KCNG2: variants seen among roughly 807,000 people sequenced by gnomAD.
KCNG2 encodes voltage-gated potassium channel regulatory subunit KCNG2.
KCNG2 carries 7 observed loss-of-function variants against 12.3 expected under a neutral mutation model. The observed-to-expected ratio is 0.57, with a 90% CI of 0.32 to 1.07. The LOEUF is 1.07. KCNG2 is among the 50% of genes least tolerant of loss of function. The pLI is 0.04. For synonymous variants in KCNG2, 414 were observed against 351.4 expected (o/e 1.18, Z -1.99); for missense variants, 703 against 726.0 (o/e 0.97, Z 0.36).
intron 3 of KCNG2, among the ~76,000 whole-genome samples, chr18:79,869,607 G>T (rs1458257482): frequency 6.6e-6 from 1 of 152,146 alleles, no homozygotes; most frequent in East Asian, 1.9e-4. Flanking sequence ...CTCCATTGCT[G>T]GGCCTTTCCC....
intron 1 of KCNG2, among the ~76,000 whole-genome samples, chr18:79,815,875 C>A (rs1193748528): frequency 6.6e-6 from 1 of 152,250 alleles, no homozygotes; most frequent in Non-Finnish European, 1.5e-5. Context: ...AGCTGCACTG[C>A]CACAGGGGGG....
chr18:79,896,273 G>T (rs915731451), intron 3 of KCNG2, among the ~76,000 whole-genome samples: 1 of 152,018 alleles, frequency 6.6e-6, no homozygotes, highest in Non-Finnish European at 1.5e-5. Flanking sequence ...GCCCACTAAT[G>T]ATATTTTAAA....
At chr18:79,887,794 C>G (rs577912220) in intron 3 of KCNG2, among the ~76,000 whole-genome samples, 2 of 152,318 alleles carry the variant, frequency 1.3e-5, no homozygotes, top group African/African-American at 2.4e-5. Context: ...GTGGCTCCCC[C>G]ACTTTTCCCA....
chr18:79,823,064 A>C (rs968949748), intron 1 of KCNG2, among the ~76,000 whole-genome samples: 1 of 152,198 alleles, frequency 6.6e-6, no homozygotes, highest in Non-Finnish European at 1.5e-5. Flanking sequence ...TTCCTCCTGC[A>C]CAGCCAGGCA....
intron 3 of KCNG2, among the ~76,000 whole-genome samples, chr18:79,895,486 G>T (rs1379187725): frequency 6.7e-6 from 1 of 149,932 alleles, no homozygotes; most frequent in Admixed American, 6.7e-5. Context: ...GGTTGTTCAT[G>T]CCATTAATAA....
chr18:79,891,901 A>T (rs1234043972), intron 3 of KCNG2, among the ~76,000 whole-genome samples: 1 of 152,068 alleles, frequency 6.6e-6, no homozygotes, highest in African/African-American at 2.4e-5. Context: ...GGTGGTGTTC[A>T]CACCTTCTGT....
At chr18:79,834,052 A>C (rs1264147560) in intron 1 of KCNG2, among the ~76,000 whole-genome samples, 1 of 152,248 alleles carries the variant, frequency 6.6e-6, no homozygotes, top group African/African-American at 2.4e-5. Flanking sequence ...CACCCAGTGC[A>C]GTGGCAGAGG....
intron 1 of KCNG2, among the ~76,000 whole-genome samples, 126 bp downstream of exon 1, chr18:79,798,140 G>C (rs1439176465): frequency 6.6e-6 from 1 of 151,542 alleles, no homozygotes; most frequent in South Asian, 2.1e-4. Flanking sequence ...CTTCTTCTCC[G>C]GGTGCGCGGT....
chr18:79,858,432 C>A (rs1165384348), intron 2 of KCNG2, among the ~76,000 whole-genome samples: 1 of 152,216 alleles, frequency 6.6e-6, no homozygotes, highest in Non-Finnish European at 1.5e-5. Context: ...CATAACATTC[C>A]TGTATGGAGG....
chr18:79,866,784 A>G (rs1979589955), intron 3 of KCNG2, among the ~76,000 whole-genome samples: 1 of 132,702 alleles, frequency 7.5e-6, no homozygotes, highest in Admixed American at 7.8e-5. Flanking sequence ...CTGTATGCTG[A>G]GAGGTCTAGG....
In KCNG2 at chr18:79,800,047, T is replaced by C. The variant is rs986162603; in HGVS notation, c.-115+2033T>C. On this transcript the variant is annotated intron_variant, in intron 1 of 3. Transcript: ENST00000316249. The surrounding 1 kb of genome is among the most constrained non-coding windows in gnomAD (Gnocchi z 4.0). ...TTTTGTCTGATGGTTGGGGGCTGCT[T>C]TTCTGGAAGAAGTGGGTCTCAGGCA... 1.3e-5 allele frequency among the ~76,000 whole-genome samples: 2 copies of C among 152,166 alleles called. No individual in the cohort carries two copies. Among genetic ancestry groups the C allele is most frequent in the Admixed American group, 1.3e-4 (2 of 15,274 alleles).
At chr18:79,817,575 C>G (rs914698010) in intron 1 of KCNG2, among the ~76,000 whole-genome samples, 2 of 152,264 alleles carry the variant, frequency 1.3e-5, no homozygotes, top group African/African-American at 4.8e-5. Context: ...TTTGCACACA[C>G]AGTTCTCACA....
intron 1 of KCNG2, among the ~76,000 whole-genome samples, chr18:79,828,543 G>A (rs1978287997): frequency 6.6e-6 from 1 of 152,006 alleles, no homozygotes; most frequent in Non-Finnish European, 1.5e-5. Context: ...GTCTGTGTGT[G>A]CATCTGTGTG....
In KCNG2 at chr18:79,899,458, G is replaced by C. The variant is rs755009780; in HGVS notation, c.1043G>C (p.Gly348Ala). 3.1e-6 allele frequency: 5 copies of C among 1,602,782 alleles called. No homozygotes were observed. The South Asian group carries it at 5.6e-5, about 18-fold the overall frequency. The change falls in exon 4 of 4, where the codon GGC (glycine) becomes GCC (alanine). Residue 348 changes from glycine to alanine, a missense_variant. Gly to Ala is a moderately conservative substitution (Grantham distance 60). Transcript: ENST00000316249. ...GTGCACCTGGCCGAGCGCGAGCTGG[G>C]CGCGCGCCGCGACTTCTCCAGCGTG... is the stretch of plus-strand genomic sequence containing the variant. The part of the protein sequence containing the change: ...PLVHLAEREL[G>A]ARRDFSSVPA...
intron 1 of KCNG2, among the ~76,000 whole-genome samples, chr18:79,804,364 G>A (rs543886761): frequency 1.2e-4 from 18 of 152,298 alleles, no homozygotes; most frequent in African/African-American, 3.8e-4. Context: ...CCTGCCGGCC[G>A]GTGCTGCACC....
intron 1 of KCNG2, among the ~76,000 whole-genome samples, chr18:79,819,333 G>A (rs918728569): frequency 7.2e-5 from 11 of 152,334 alleles, no homozygotes; most frequent in Middle Eastern, 3.4e-3. Context: ...CTCACCAACC[G>A]AGGGACCCTT....
chr18:79,884,370 C>T lies in KCNG2; in HGVS notation c.625-14670C>T, dbSNP rs1980439330. On this transcript the variant is annotated intron_variant, in intron 3 of 3. Coordinates refer to ENST00000316249, the MANE Select transcript of KCNG2 (RefSeq NM_012283.2). This position sits in a 1 kb window ranked among gnomAD's most constrained non-coding sequence, Gnocchi z 5.5. ...TTCAAGGAGGCCCCCAGCTCTGCAG[C>T]CCCCACCACTGCTGGATTCCCGTCC... Among the ~76,000 whole-genome samples, 1 of 152,226 alleles carries T rather than the reference C, an allele frequency of 6.6e-6. No homozygotes were observed. The highest frequency in any genetic ancestry group is 6.5e-5 in the Admixed American group (1 of 15,292).
rs911942852 is a variant in KCNG2, at chr18:79,803,110, G to A, written c.-115+5096G>A. Among the ~76,000 whole-genome samples the A allele has an allele frequency of 2.0e-5, 3 of 152,158 alleles. No individual in the cohort carries two copies. Among genetic ancestry groups the A allele is most frequent in the Non-Finnish European group, 2.9e-5 (2 of 68,018 alleles). ...GGAGAATCGCTTGAACCCGGAAGGCGGAGCTTGCAGTGAGCCGAGATCGCG... is the reference window on the plus strand; with the variant it reads ...GGAGAATCGCTTGAACCCGGAAGGCAGAGCTTGCAGTGAGCCGAGATCGCG... On this transcript the variant is annotated intron_variant, in intron 1 of 3. Coordinates refer to ENST00000316249, the MANE Select transcript of KCNG2 (RefSeq NM_012283.2). This position sits in a 1 kb window ranked among gnomAD's most constrained non-coding sequence, Gnocchi z 4.5.
At position 79,899,250 on chromosome 18, in the gene KCNG2, CTCCTGGAGCGCGCG is replaced by C; in HGVS notation, c.836_849del (p.Leu279ArgfsTer230). On this transcript the variant is annotated frameshift_variant, in exon 4 of 4. Coordinates refer to ENST00000316249, the MANE Select transcript of KCNG2 (RefSeq NM_012283.2). LOFTEE classifies it low-confidence loss of function (END_TRUNC). ...GGCGGCAGGCCCGGGCGGGACCAAG[CTCCTGGAGCGCGCG>C]GGGCTGGTGCTGCGGCTGCTGCGTG... 6.3e-7 allele frequency: 1 copy of C among 1,594,598 alleles called. No individual in the cohort carries two copies. Among genetic ancestry groups the C allele is most frequent in the Non-Finnish European group, 8.5e-7 (1 of 1,176,590 alleles).
Sources: allele counts gnomAD v4.1 joint callset (sites outside exome capture counted in the v4.1 genomes callset), GRCh38; gene constraint gnomAD v4.1.1; non-coding constraint Gnocchi (gnomAD v3.1); transcripts MANE v1.5; gene names NCBI Gene and HGNC (gene_info 2026-07-23, HGNC 2026-07-21).